The following PTPRD variants were observed in gnomAD, a reference collection of about 807,000 sequenced individuals.
PTPRD encodes the protein protein tyrosine phosphatase receptor type D, also known as receptor-type tyrosine-protein phosphatase delta.
A neutral mutation model predicts 214.5 loss-of-function variants in PTPRD; 34 were observed. The ratio of observed to expected loss-of-function variants is 0.16; its 90% CI spans 0.12 to 0.21. The LOEUF (loss-of-function observed/expected upper bound fraction) is 0.21, where lower values mean the gene tolerates loss of function less well. PTPRD is among the 10% of genes least tolerant of loss of function. The pLI is 1.00. For synonymous variants in PTPRD, 1,128 were observed against 845.7 expected (o/e 1.33, Z -5.79); for missense variants, 2,545 against 2,398.7 (o/e 1.06, Z -1.27).
intron 7 of PTPRD, among the ~76,000 whole-genome samples, chr9:9,641,424 A>G (rs1564245159): frequency 6.6e-6 from 1 of 152,164 alleles, no homozygotes; most frequent in Non-Finnish European, 1.5e-5. Context: ...ATGAGCAGGC[A>G]AAGATAAGTA....
At chr9:9,250,090 C>A (rs1418093159) in intron 9 of PTPRD, among the ~76,000 whole-genome samples, 1 of 152,018 alleles carries the variant, frequency 6.6e-6, no homozygotes, top group African/African-American at 2.4e-5. Context: ...CTTGCCTTCT[C>A]CCAGAAGAAC....
intron 12 of PTPRD, among the ~76,000 whole-genome samples, chr9:8,677,273 T>G (rs1277352078): frequency 1.3e-5 from 2 of 152,170 alleles, no homozygotes; most frequent in Admixed American, 6.5e-5. Flanking sequence ...TCAACCTAAA[T>G]GTTCATCAAC....
At chr9:8,612,386 AG>A in intron 14 of PTPRD, among the ~76,000 whole-genome samples, 1 of 152,342 alleles carries the variant, frequency 6.6e-6, no homozygotes, top group African/African-American at 2.4e-5. Context: ...TTGAGTCTAT[AG>A]GCAAAGGATA....
At chr9:8,476,396 G>T (rs1246836935) in intron 30 of PTPRD, among the ~76,000 whole-genome samples, 1 of 152,068 alleles carries the variant, frequency 6.6e-6, no homozygotes, top group African/African-American at 2.4e-5. Flanking sequence ...TGTGTGGTCG[G>T]GTTCCTAACA....
intron 5 of PTPRD, among the ~76,000 whole-genome samples, chr9:9,931,583 C>G (rs10978103): frequency 1.3e-5 from 2 of 151,764 alleles, no homozygotes; most frequent in African/African-American, 2.4e-5. Flanking sequence ...CCTATGCCCA[C>G]GGAGTCTCGC....
At position 9,952,183 on chromosome 9, in the gene PTPRD, C is replaced by T. The variant is rs79242993; in HGVS notation, c.-471-13573G>A. Among the ~76,000 whole-genome samples, 282 of 152,176 alleles carry T rather than the reference C, an allele frequency of 1.9e-3. 5 individuals carry two copies. The East Asian group carries it at 0.05, about 27-fold the overall frequency. On this transcript the variant is annotated intron_variant, in intron 4 of 45. Transcript: ENST00000381196. ...ACAATCCTAACACAGTGAAAAAGTA[C>T]ATTGGTGAAAGGAGAAATGGTAACT...
intron 9 of PTPRD, among the ~76,000 whole-genome samples, chr9:9,299,437 T>C (rs1033739608): frequency 6.6e-6 from 1 of 151,644 alleles, no homozygotes; most frequent in Non-Finnish European, 1.5e-5. Flanking sequence ...ATAACAAAGA[T>C]TTTTCCAGTG....
intron 7 of PTPRD, among the ~76,000 whole-genome samples, chr9:9,590,803 T>C (rs1255416585): frequency 2.0e-5 from 3 of 152,202 alleles, no homozygotes; most frequent in Admixed American, 2.0e-4. Flanking sequence ...TGTTTATCTT[T>C]GTTTGCTTAA....
chr9:10,143,111 C>G (rs2098998072), intron 3 of PTPRD, among the ~76,000 whole-genome samples: 1 of 151,886 alleles, frequency 6.6e-6, no homozygotes. Flanking sequence ...ACATCACACT[C>G]TGGGGACTGT....
chr9:8,933,093 C>G (rs574588926), intron 11 of PTPRD, among the ~76,000 whole-genome samples: 15 of 152,170 alleles, frequency 9.9e-5, no homozygotes, highest in African/African-American at 2.9e-4. Flanking sequence ...ATGGCACAGT[C>G]CTTCATGGCT....
rs112775465 is a variant in PTPRD at position 8,535,460 on chromosome 9, C to T, written c.353-6681G>A. On this transcript the variant is annotated intron_variant, in intron 14 of 45. Transcript: ENST00000381196. ...ATCAACAGTACAAATAAATAAAATC[C>T]ATATTGTCAGATGATTTGTTCCTAA... Among the ~76,000 whole-genome samples, 320 of 151,884 alleles carry T rather than the reference C, an allele frequency of 2.1e-3. 4 individuals are homozygous for T. Among genetic ancestry groups the T allele is most frequent in the Admixed American group, 3.8e-3 (58 of 15,218 alleles).
intron 5 of PTPRD, among the ~76,000 whole-genome samples, chr9:9,924,612 A>C (rs2083628884): frequency 6.6e-6 from 1 of 152,108 alleles, no homozygotes; most frequent in Admixed American, 6.6e-5. Flanking sequence ...CCTTGTTTAG[A>C]AACTTTTTAA....
intron 7 of PTPRD, among the ~76,000 whole-genome samples, chr9:9,729,658 T>G (rs150143061): frequency 6.0e-4 from 91 of 152,160 alleles, no homozygotes; most frequent in African/African-American, 2.1e-3. Flanking sequence ...TAAAAGCACC[T>G]AATTATACAG....
chr9:10,431,398 C>T (rs1450304377), intron 2 of PTPRD, among the ~76,000 whole-genome samples: 1 of 151,946 alleles, frequency 6.6e-6, no homozygotes, highest in Non-Finnish European at 1.5e-5. Context: ...GTCTAAAACA[C>T]CAAAAGCAAT....
rs1018693874 is a variant in PTPRD at position 9,453,445 on chromosome 9, G to T, written c.-236-55963C>A. Among the ~76,000 whole-genome samples, 3 of 151,456 alleles carry T rather than the reference G, an allele frequency of 2.0e-5. No individual in the cohort carries two copies. In the Admixed American group the frequency reaches 2.0e-4, roughly 10 times the overall value. On this transcript the variant is annotated intron_variant, in intron 8 of 45. Transcript: ENST00000381196. ...ACCACATCATTATCACCATTTTATT[G>T]TTGAAAGCACATCTGTGTCGGGGAA...
chr9:8,564,633 GAAGTT>G (rs2088100664), intron 14 of PTPRD, among the ~76,000 whole-genome samples: 1 of 152,162 alleles, frequency 6.6e-6, no homozygotes, highest in Admixed American at 6.5e-5. Flanking sequence ...TTAGGAGGCG[GAAGTT>G]GTAGTGAGCC....
chr9:10,543,935 T>C (rs547850036), intron 2 of PTPRD, among the ~76,000 whole-genome samples: 80 of 152,242 alleles, frequency 5.3e-4, no homozygotes, highest in Admixed American at 1.4e-3. Flanking sequence ...TGGAGCCTGA[T>C]TGAAGGTAGA....
chr9:8,434,537 T>C (rs570317827), intron 35 of PTPRD, among the ~76,000 whole-genome samples: 1 of 152,304 alleles, frequency 6.6e-6, no homozygotes, highest in East Asian at 1.9e-4. Context: ...TTATTGCCCA[T>C]GGTTTAAAGT....
intron 9 of PTPRD, among the ~76,000 whole-genome samples, chr9:9,209,315 T>C (rs567617603): frequency 1.1e-4 from 17 of 152,052 alleles, no homozygotes; most frequent in South Asian, 6.2e-4. Context: ...AGTAAATAAA[T>C]TGCAAAGAAT....
Sources: allele counts gnomAD v4.1 joint callset (sites outside exome capture counted in the v4.1 genomes callset), GRCh38; gene constraint gnomAD v4.1.1; transcripts MANE v1.5; gene names NCBI Gene and HGNC (gene_info 2026-07-23, HGNC 2026-07-21).